The following DCC variants were observed in gnomAD, a reference collection of about 807,000 sequenced individuals.
The protein encoded by DCC is DCC netrin 1 receptor.
A neutral mutation model predicts 172.5 loss-of-function variants in DCC; 58 were observed. The observed-to-expected ratio is 0.34, with a 90% CI of 0.27 to 0.42. DCC has a LOEUF of 0.42. Among genes scored for constraint, DCC ranks in the 10% least tolerant of loss-of-function variants. The probability of loss-of-function intolerance (pLI) is 1.00; values close to 1 mark genes in which losing one functional copy is unlikely to be tolerated. For synonymous variants in DCC, 709 were observed against 644.5 expected (o/e 1.10, Z -1.52); for missense variants, 1,740 against 1,791.0 (o/e 0.97, Z 0.51).
intron 8 of DCC, among the ~76,000 whole-genome samples, chr18:53,169,730 G>A (rs934279244): frequency 6.6e-5 from 10 of 152,124 alleles, no homozygotes; most frequent in Admixed American, 5.2e-4. Flanking sequence ...AGTTGTTAAC[G>A]CAGTGAGAGG....
At chr18:53,325,894 G>A (rs181227703) in intron 14 of DCC, among the ~76,000 whole-genome samples, 12 of 152,286 alleles carry the variant, frequency 7.9e-5, no homozygotes, top group Non-Finnish European at 1.0e-4. Context: ...ATAAAAACAC[G>A]TAGAACTTGA....
intron 1 of DCC, among the ~76,000 whole-genome samples, chr18:52,531,434 AAGACAAACC>A (rs2032147233): frequency 6.6e-6 from 1 of 152,216 alleles, no homozygotes; most frequent in African/African-American, 2.4e-5. Flanking sequence ...TGATAGTCAA[AAGACAAACC>A]AATTTAAATA....
At chr18:53,036,261 C>T (rs745353684) in intron 5 of DCC, among the ~76,000 whole-genome samples, 2 of 152,006 alleles carry the variant, frequency 1.3e-5, no homozygotes, top group Non-Finnish European at 2.9e-5. Context: ...TACTATAATG[C>T]TTGTTTTGAA....
At chr18:52,948,312 A>AT (rs2040581315) in intron 5 of DCC, among the ~76,000 whole-genome samples, 2 of 150,072 alleles carry the variant, frequency 1.3e-5, no homozygotes. Context: ...CACAGTGTTG[A>AT]TGTGTGTGTG....
At chr18:52,800,853 T>G (rs2037971726) in intron 2 of DCC, among the ~76,000 whole-genome samples, 1 of 152,196 alleles carries the variant, frequency 6.6e-6, no homozygotes, top group Non-Finnish European at 1.5e-5. Flanking sequence ...TCTATTTATT[T>G]TATTCATAAT....
chr18:53,093,249 C>G (rs1175969683), intron 7 of DCC, among the ~76,000 whole-genome samples: 1 of 152,086 alleles, frequency 6.6e-6, no homozygotes, highest in East Asian at 1.9e-4. Flanking sequence ...TGCACTCCAG[C>G]CTGGGCGACA....
chr18:53,012,798 A>C (rs1023624884), intron 5 of DCC, among the ~76,000 whole-genome samples: 1 of 152,154 alleles, frequency 6.6e-6, no homozygotes, highest in African/African-American at 2.4e-5. Flanking sequence ...GGCAACCTAC[A>C]GAATGGGAGA....
intron 3 of DCC, among the ~76,000 whole-genome samples, chr18:52,913,978 T>C (rs1215328473): frequency 6.6e-6 from 1 of 152,092 alleles, no homozygotes; most frequent in East Asian, 1.9e-4. Context: ...TAGGCACACC[T>C]TTATTGATTC....
At chr18:52,395,618 T>A (rs1221415888) in intron 1 of DCC, among the ~76,000 whole-genome samples, 1 of 152,060 alleles carries the variant, frequency 6.6e-6, no homozygotes, top group African/African-American at 2.4e-5. Context: ...TCTAAGCAGA[T>A]ATGAAGTCCA....
chr18:52,414,311 T>C (rs1238677609), intron 1 of DCC, among the ~76,000 whole-genome samples: 1 of 152,082 alleles, frequency 6.6e-6, no homozygotes, highest in African/African-American at 2.4e-5. Flanking sequence ...CTTGAACTCC[T>C]GACCTCAGGT....
chr18:53,015,250 G>T (rs2041792042), intron 5 of DCC, among the ~76,000 whole-genome samples: 1 of 152,156 alleles, frequency 6.6e-6, no homozygotes. Context: ...AATATGAAAA[G>T]AACTGAAACC....
At chr18:52,375,679 T>C (rs1236195700) in intron 1 of DCC, among the ~76,000 whole-genome samples, 1 of 152,146 alleles carries the variant, frequency 6.6e-6, no homozygotes, top group Non-Finnish European at 1.5e-5. Flanking sequence ...CAATTTTAAA[T>C]GGAAGTATAG....
At chr18:52,982,643 A>G (rs1598996681) in intron 5 of DCC, among the ~76,000 whole-genome samples, 1 of 152,060 alleles carries the variant, frequency 6.6e-6, no homozygotes, top group Admixed American at 6.6e-5. Flanking sequence ...TACCTTCCCA[A>G]GTTGTAACAG....
At chr18:53,486,408 T>C (rs2045900384) in intron 25 of DCC, among the ~76,000 whole-genome samples, 1 of 152,246 alleles carries the variant, frequency 6.6e-6, no homozygotes, top group South Asian at 2.1e-4. Flanking sequence ...CAACCCACTC[T>C]ACACAATATA....
intron 7 of DCC, among the ~76,000 whole-genome samples, chr18:53,078,760 AC>A (rs1366122201): frequency 6.6e-6 from 1 of 152,150 alleles, no homozygotes; most frequent in Non-Finnish European, 1.5e-5. Context: ...TCTATAGGTG[AC>A]CCTAACTTTC....
chr18:52,827,204 A>T (rs1026998701), intron 2 of DCC, among the ~76,000 whole-genome samples: 6 of 152,156 alleles, frequency 3.9e-5, no homozygotes, highest in African/African-American at 1.4e-4. Context: ...TAGGTCATTT[A>T]AGTTCATTGA....
intron 5 of DCC, among the ~76,000 whole-genome samples, chr18:52,946,763 G>T (rs905858629): frequency 1.3e-5 from 2 of 152,104 alleles, no homozygotes; most frequent in Non-Finnish European, 2.9e-5. Flanking sequence ...TTGAAAACTT[G>T]GCAAGAATGT....
At chr18:52,851,289 T>C (rs2038972131) in intron 2 of DCC, among the ~76,000 whole-genome samples, 1 of 152,138 alleles carries the variant, frequency 6.6e-6, no homozygotes, top group Admixed American at 6.5e-5. Flanking sequence ...TAGTCAAATT[T>C]ATTAAATATG....
intron 2 of DCC, among the ~76,000 whole-genome samples, chr18:52,820,810 T>C (rs2038391491): frequency 1.3e-5 from 2 of 152,128 alleles, no homozygotes; most frequent in South Asian, 4.1e-4. Context: ...TCAGAGACAC[T>C]AGCAATTAGA....
Sources: gnomAD v4.1 joint callset for allele counts (sites outside exome capture counted in the v4.1 genomes callset) on GRCh38, gnomAD v4.1.1 for gene constraint, MANE v1.5 for transcripts, NCBI Gene and HGNC (gene_info 2026-07-23, HGNC 2026-07-21) for gene names.